Variants in PTPRM observed in about 807,000 individuals in gnomAD.
PTPRM encodes the protein protein tyrosine phosphatase receptor type M, also known as receptor-type tyrosine-protein phosphatase mu.
Under a neutral mutation model 186.7 loss-of-function variants are expected in PTPRM, and 47 were observed. The observed-to-expected ratio is 0.25, with a 90% confidence interval of 0.20 to 0.32. The LOEUF is 0.32. Among genes scored for constraint, PTPRM ranks in the 10% least tolerant of loss-of-function variants. The pLI is 1.00. For missense variants in PTPRM, 1,494 were observed against 1,865.0 expected (o/e 0.80, Z 3.66); for synonymous variants, 668 against 674.9 (o/e 0.99, Z 0.16).
chr18:8,025,898 G>A (rs1332076301), intron 7 of PTPRM, among the ~76,000 whole-genome samples: 1 of 152,176 alleles, frequency 6.6e-6, no homozygotes, highest in Non-Finnish European at 1.5e-5. Flanking sequence ...TCAGTTATGT[G>A]TGCTGCACAG....
intron 13 of PTPRM, among the ~76,000 whole-genome samples, chr18:8,125,060 C>T (rs1317733431): frequency 6.6e-6 from 1 of 151,878 alleles, no homozygotes; most frequent in Non-Finnish European, 1.5e-5. Context: ...CCTTGGTGAT[C>T]TGACCCCAGC....
intron 2 of PTPRM, among the ~76,000 whole-genome samples, chr18:7,878,748 A>C (rs908519890): frequency 6.6e-6 from 1 of 152,058 alleles, no homozygotes; most frequent in Non-Finnish European, 1.5e-5. Context: ...TTTTTTTCAC[A>C]TGTGGAAAAA....
intron 2 of PTPRM, among the ~76,000 whole-genome samples, chr18:7,799,835 A>G (rs1173256401): frequency 6.6e-6 from 1 of 152,164 alleles, no homozygotes; most frequent in African/African-American, 2.4e-5. Flanking sequence ...TGTAATTTTT[A>G]TATGCATATA....
chr18:8,008,366 C>T (rs1003766978), intron 7 of PTPRM, among the ~76,000 whole-genome samples: 10 of 152,010 alleles, frequency 6.6e-5, no homozygotes, highest in Middle Eastern at 3.2e-3. Flanking sequence ...CGAAGAAGGT[C>T]GGGGAAAAGT....
intron 3 of PTPRM, among the ~76,000 whole-genome samples, chr18:7,900,195 G>A (rs184891669): frequency 9.8e-4 from 150 of 152,358 alleles, no homozygotes; most frequent in African/African-American, 3.4e-3. Flanking sequence ...CAACTCTGCT[G>A]CTGTTGTATG....
intron 7 of PTPRM, among the ~76,000 whole-genome samples, chr18:8,032,361 T>G (rs983187640): frequency 2.0e-5 from 3 of 152,230 alleles, no homozygotes; most frequent in African/African-American, 4.8e-5. Context: ...ACATAACGTT[T>G]CCTCTTATTG....
At chr18:8,185,888 A>G (rs1231512302) in intron 14 of PTPRM, among the ~76,000 whole-genome samples, 2 of 152,126 alleles carry the variant, frequency 1.3e-5, no homozygotes, top group Non-Finnish European at 2.9e-5. Context: ...GTGTCTCCCA[A>G]TGTTGCCCCT....
At chr18:8,042,652 G>C (rs1007495100) in intron 7 of PTPRM, among the ~76,000 whole-genome samples, 1 of 151,964 alleles carries the variant, frequency 6.6e-6, no homozygotes, top group African/African-American at 2.4e-5. Context: ...TCTAGTGTAA[G>C]TGACATGCTG....
intron 14 of PTPRM, among the ~76,000 whole-genome samples, chr18:8,197,239 T>A (rs569185520): frequency 6.6e-6 from 1 of 152,310 alleles, no homozygotes; most frequent in African/African-American, 2.4e-5. Context: ...TATAATGTGT[T>A]ATTTTAGGTA....
rs935524760 is a variant in PTPRM, at chr18:7,599,789, C to A, written c.73+31898C>A. On this transcript the variant is annotated intron_variant, in intron 1 of 32. Coordinates refer to ENST00000580170, the MANE Select transcript of PTPRM (RefSeq NM_001105244.2). ...GTTTGTGATGAGAGCTGTTCTTGGC[C>A]TCCCTTCTTGTGGCACCCTCCCGAG... 5.9e-5 allele frequency among the ~76,000 whole-genome samples: 9 copies of A among 152,278 alleles called. No individual in the cohort carries two copies. The South Asian group carries it at 1.7e-3, about 28-fold the overall frequency.
At chr18:8,038,401 G>GTTTTTTTTTTTTTTTTTTT (rs2086475080) in intron 7 of PTPRM, among the ~76,000 whole-genome samples, 1 of 95,920 alleles carries the variant, frequency 1.0e-5, no homozygotes, top group Non-Finnish European at 2.2e-5. Flanking sequence ...TTTTTTTTTG[G>GTTTTTTTTTTTTTTTTTTT]TGTTATTTGA....
chr18:7,572,424 T>C (rs1255284364), intron 1 of PTPRM, among the ~76,000 whole-genome samples: 1 of 152,212 alleles, frequency 6.6e-6, no homozygotes, highest in African/African-American at 2.4e-5. Context: ...TCTAGAAAAG[T>C]CAATACCTTT....
chr18:7,842,357 C>T (rs993248798), intron 2 of PTPRM, among the ~76,000 whole-genome samples: 1 of 152,112 alleles, frequency 6.6e-6, no homozygotes, highest in African/African-American at 2.4e-5. Flanking sequence ...CATCTATGGG[C>T]GTTAACTCAA....
chr18:7,830,913 T>A (rs2045729234), intron 2 of PTPRM, among the ~76,000 whole-genome samples: 2 of 152,334 alleles, frequency 1.3e-5, no homozygotes, highest in Non-Finnish European at 2.9e-5. Context: ...GAAGAGACTC[T>A]GCATTTTGGT....
chr18:8,099,911 C>G (rs987693520), intron 11 of PTPRM, among the ~76,000 whole-genome samples: 6 of 152,072 alleles, frequency 3.9e-5, no homozygotes, highest in Admixed American at 2.6e-4. Context: ...TATAAAGATA[C>G]CCGAGACTCG....
rs372058073 is a variant in PTPRM, at chr18:8,241,658, A to G, written c.2301-2400A>G. ...TACTGTTCCCCTCCAGCTCTCCACAACCCTTTATTGTCTTACACTGTCTTC... is the reference window on the plus strand; with the variant it reads ...TACTGTTCCCCTCCAGCTCTCCACAGCCCTTTATTGTCTTACACTGTCTTC... On this transcript the variant is annotated intron_variant, in intron 14 of 32. Coordinates refer to ENST00000580170, the MANE Select transcript of PTPRM (RefSeq NM_001105244.2). Among the ~76,000 whole-genome samples the G allele has an allele frequency of 3.9e-5, 6 of 152,244 alleles. No homozygotes were observed. In the East Asian group the frequency reaches 1.2e-3, roughly 29 times the overall value.
At chr18:7,769,102 G>A (rs949205966) in intron 1 of PTPRM, among the ~76,000 whole-genome samples, 2 of 152,070 alleles carry the variant, frequency 1.3e-5, no homozygotes, top group Non-Finnish European at 2.9e-5. Flanking sequence ...GGATGCTGTT[G>A]AGAACTCTGT....
At chr18:7,829,965 A>G (rs1273105606) in intron 2 of PTPRM, among the ~76,000 whole-genome samples, 22 of 152,096 alleles carry the variant, frequency 1.4e-4, no homozygotes, top group Admixed American at 1.4e-3. Context: ...TATTTAACAA[A>G]TATTGTCCTA....
chr18:7,730,605 T>C (rs1265037376), intron 1 of PTPRM, among the ~76,000 whole-genome samples: 2 of 152,214 alleles, frequency 1.3e-5, no homozygotes, highest in African/African-American at 2.4e-5. Context: ...GAATAGGTAA[T>C]TAAAAGTCAT....
Sources: gnomAD v4.1 joint callset for allele counts (sites outside exome capture counted in the v4.1 genomes callset) on GRCh38, gnomAD v4.1.1 for gene constraint, MANE v1.5 for transcripts, NCBI Gene and HGNC (gene_info 2026-07-23, HGNC 2026-07-21) for gene names.